IL1RAPL1: variants seen among roughly 807,000 people sequenced by gnomAD.
IL1RAPL1 encodes interleukin 1 receptor accessory protein like 1.
A neutral mutation model predicts 48.4 loss-of-function variants in IL1RAPL1; 3 were observed. The ratio of observed to expected loss-of-function variants is 0.06; its 90% CI spans 0.03 to 0.16. The LOEUF (loss-of-function observed/expected upper bound fraction) is 0.16. IL1RAPL1 is among the 10% of genes least tolerant of loss of function. The pLI, the probability that IL1RAPL1 is intolerant of heterozygous loss-of-function variation, is 1.00. For missense variants in IL1RAPL1, 349 were observed against 530.6 expected (o/e 0.66, Z 3.36); for synonymous variants, 185 against 187.7 (o/e 0.99, Z 0.12).
At chrX:29,375,077 A>G in intron 3 of IL1RAPL1, among the ~76,000 whole-genome samples, 1 of 107,957 alleles carries the variant, frequency 9.3e-6, no homozygotes, top group Non-Finnish European at 1.9e-5. Context: ...ATTTTAATTT[A>G]GCTATTCAAG....
chrX:29,260,908 G>C (rs1275046145), intron 2 of IL1RAPL1, among the ~76,000 whole-genome samples: 2 of 105,457 alleles, frequency 1.9e-5, no homozygotes, highest in Non-Finnish European at 3.9e-5. Flanking sequence ...AAATAATATA[G>C]TAAATATATA....
At chrX:29,767,389 A>C (rs1928940666) in intron 6 of IL1RAPL1, among the ~76,000 whole-genome samples, 1 of 112,258 alleles carries the variant, frequency 8.9e-6, no homozygotes, top group African/African-American at 3.2e-5. Context: ...AGTTCTTAAT[A>C]ATACCGTCAT....
intron 3 of IL1RAPL1, among the ~76,000 whole-genome samples, chrX:29,286,972 T>C (rs921409344): frequency 4.5e-5 from 5 of 110,359 alleles, no homozygotes; most frequent in Admixed American, 9.7e-5. Context: ...TAGCATTTTG[T>C]AAAACTGTGG....
chrX:29,088,692 AAAAG>A (rs1276050587), intron 2 of IL1RAPL1, among the ~76,000 whole-genome samples: 1 of 108,397 alleles, frequency 9.2e-6, no homozygotes, highest in African/African-American at 3.3e-5. Flanking sequence ...AAAAAAAAAA[AAAAG>A]AAAAGAAAAA....
chrX:29,737,382 T>A (rs1467296852), intron 6 of IL1RAPL1, among the ~76,000 whole-genome samples: 2 of 111,711 alleles, frequency 1.8e-5, no homozygotes, highest in African/African-American at 6.5e-5. Context: ...ACTTAAAAGC[T>A]CACTGAGAGA....
chrX:29,375,596 G>A (rs1425687908), intron 3 of IL1RAPL1, among the ~76,000 whole-genome samples: 1 of 111,702 alleles, frequency 9.0e-6, no homozygotes, highest in Non-Finnish European at 1.9e-5. Flanking sequence ...GCAAACCTAA[G>A]GAAACGACCC....
At chrX:29,766,475 C>G (rs1228708833) in intron 6 of IL1RAPL1, among the ~76,000 whole-genome samples, 2 of 77,592 alleles carry the variant, frequency 2.6e-5, no homozygotes, top group African/African-American at 9.5e-5. Context: ...ATTTATATAT[C>G]CAAATATATA....
intron 3 of IL1RAPL1, among the ~76,000 whole-genome samples, chrX:29,375,159 ATTTTTTTT>A (rs764787587): frequency 5.3e-5 from 4 of 75,923 alleles, no homozygotes; most frequent in Admixed American, 1.7e-4. Context: ...ATTGGGAGCA[ATTTTTTTT>A]TTTTTTTTTT....
intron 6 of IL1RAPL1, among the ~76,000 whole-genome samples, chrX:29,787,511 C>T (rs1293686986): frequency 7.2e-5 from 8 of 111,622 alleles, no homozygotes; most frequent in Non-Finnish European, 1.5e-4. Flanking sequence ...TAGAGGAAGC[C>T]AGTCCCCTGA....
intron 5 of IL1RAPL1, among the ~76,000 whole-genome samples, chrX:29,642,270 C>A (rs1350148999): frequency 2.7e-5 from 3 of 111,892 alleles, no homozygotes; most frequent in African/African-American, 6.5e-5. Flanking sequence ...TAAAGCCCTG[C>A]GCTAATATTT....
intron 5 of IL1RAPL1, among the ~76,000 whole-genome samples, chrX:29,453,437 T>G (rs1319427407): frequency 9.0e-6 from 1 of 111,607 alleles, no homozygotes; most frequent in African/African-American, 3.3e-5. Flanking sequence ...TAATCGGATT[T>G]TTTAGCTATT....
intron 3 of IL1RAPL1, among the ~76,000 whole-genome samples, chrX:29,389,522 T>C (rs1436904227): frequency 9.0e-6 from 1 of 111,206 alleles, no homozygotes; most frequent in African/African-American, 3.3e-5. Context: ...TTTCCCTTAC[T>C]CTTGGAATCT....
At chrX:29,293,429 T>C (rs2147606272) in intron 3 of IL1RAPL1, among the ~76,000 whole-genome samples, 1 of 111,097 alleles carries the variant, frequency 9.0e-6, no homozygotes, top group Admixed American at 9.6e-5. Flanking sequence ...TTGAAATCAA[T>C]TGTGTCATGT....
rs371800421 is a variant in IL1RAPL1, at chrX:28,926,031, G to A, written c.82+136606G>A. ...ACCTAGTGATGAATAAGAGTTGGATGGGTGATTCTGTAGCTAAGCTGTTCA... is the reference window on the plus strand; with the variant it reads ...ACCTAGTGATGAATAAGAGTTGGATAGGTGATTCTGTAGCTAAGCTGTTCA... On this transcript the variant is annotated intron_variant, in intron 2 of 10. Transcript: ENST00000378993. 4.3e-3 allele frequency among the ~76,000 whole-genome samples: 484 copies of A among 112,153 alleles called. 4 individuals carry two copies. The highest frequency in any genetic ancestry group is 0.015 in the African/African-American group (452 of 30,935).
At chrX:29,685,051 T>C (rs1284655525) in intron 6 of IL1RAPL1, among the ~76,000 whole-genome samples, 1 of 112,748 alleles carries the variant, frequency 8.9e-6, no homozygotes, top group Non-Finnish European at 1.9e-5. Flanking sequence ...TGTTTGAGCA[T>C]TTAAAGTTAA....
intron 2 of IL1RAPL1, among the ~76,000 whole-genome samples, chrX:29,099,426 C>A (rs765353850): frequency 7.1e-4 from 79 of 111,908 alleles, no homozygotes; most frequent in African/African-American, 2.5e-3. Context: ...ATTTGACAAA[C>A]AGTGTACAAA....
chrX:29,690,502 G>A (rs6526916), intron 6 of IL1RAPL1, among the ~76,000 whole-genome samples: 55,789 of 110,164 alleles, frequency 0.51, 10,862 homozygotes, highest in African/African-American at 0.71. Context: ...TGAGTAATCA[G>A]CTGATAGATT....
chrX:29,186,717 A>G (rs1930258778), intron 2 of IL1RAPL1, among the ~76,000 whole-genome samples: 1 of 111,449 alleles, frequency 9.0e-6, no homozygotes, highest in Admixed American at 9.7e-5. Flanking sequence ...ATAGGTATTT[A>G]CTTATTGACT....
intron 1 of IL1RAPL1, among the ~76,000 whole-genome samples, chrX:28,772,778 A>G (rs1936323616): frequency 8.9e-6 from 1 of 111,858 alleles, no homozygotes; most frequent in African/African-American, 3.3e-5. Flanking sequence ...TGGCATGGAC[A>G]GTACATACAT....
Sources: gnomAD v4.1 joint callset for allele counts (sites outside exome capture counted in the v4.1 genomes callset) on GRCh38, gnomAD v4.1.1 for gene constraint, MANE v1.5 for transcripts, NCBI Gene and HGNC (gene_info 2026-07-23, HGNC 2026-07-21) for gene names.